MYO16: variants seen among roughly 807,000 people sequenced by gnomAD.
The protein encoded by MYO16 is myosin XVI, also known as unconventional myosin-XVI.
Under a neutral mutation model 205.3 loss-of-function variants are expected in MYO16, and 94 were observed. That is an observed-to-expected ratio of 0.46 (90% CI 0.39 to 0.54). The LOEUF is 0.54. Among genes scored for constraint, MYO16 ranks in the 20% least tolerant of loss-of-function variants. MYO16 has a pLI of 0.00. For missense variants in MYO16, 2,315 were observed against 2,387.5 expected, an observed-to-expected ratio of 0.97 and a Z score of 0.63; for synonymous variants, 988 against 954.0, an observed-to-expected ratio of 1.04 and a Z score of -0.66.
At chr13:108,989,367 A>G (rs1193774716) in intron 20 of MYO16, among the ~76,000 whole-genome samples, 1 of 152,228 alleles carries the variant, frequency 6.6e-6, no homozygotes, top group African/African-American at 2.4e-5. Context: ...ATGTTTCAAT[A>G]TAGAAACCTT....
intron 2 of MYO16, among the ~76,000 whole-genome samples, chr13:108,673,132 C>A (rs1336912677): frequency 1.2e-4 from 18 of 151,836 alleles, no homozygotes; most frequent in Admixed American, 1.2e-3. Flanking sequence ...AGTTGAGAGA[C>A]CATGTTTTTA....
At chr13:108,863,963 A>G (rs1477307500) in intron 11 of MYO16, among the ~76,000 whole-genome samples, 1 of 152,160 alleles carries the variant, frequency 6.6e-6, no homozygotes, top group Non-Finnish European at 1.5e-5. Flanking sequence ...TAGTGGCTAC[A>G]CTATGGTTCA....
At chr13:108,542,098 T>G in the MYO16 span, among the ~76,000 whole-genome samples, 3 of 152,128 alleles carry the variant, frequency 2.0e-5, no homozygotes, top group Non-Finnish European at 4.4e-5. Context: ...AAAGAAAATG[T>G]GGTACATATA....
At position 108,677,454 on chromosome 13, in the gene MYO16, G is replaced by GTACA. The variant is rs1313895380; in HGVS notation, c.292+11308_292+11311dup. Among the ~76,000 whole-genome samples, 4 of 149,386 alleles carry GTACA rather than the reference G, an allele frequency of 2.7e-5. No individual in the cohort carries two copies. The East Asian group carries it at 5.9e-4, about 22-fold the overall frequency. On this transcript the variant is annotated intron_variant, in intron 2 of 34. Coordinates refer to ENST00000457511, the MANE Select transcript of MYO16 (RefSeq NM_001198950.3). ...TGTATATATAGGTACAGATACACAT[G>GTACA]TACATATATGTACCTATGTATATAT...
intron 7 of MYO16, among the ~76,000 whole-genome samples, chr13:108,815,661 T>G (rs374828821): frequency 6.6e-6 from 1 of 152,188 alleles, no homozygotes; most frequent in African/African-American, 2.4e-5. Flanking sequence ...GGCAATACAT[T>G]TTTATTGTTT....
chr13:108,504,368 C>A, the MYO16 span, among the ~76,000 whole-genome samples: 1 of 152,018 alleles, frequency 6.6e-6, no homozygotes, highest in Admixed American at 6.6e-5. Context: ...CTCAGGTGAT[C>A]CACCCACCTC....
chr13:108,696,922 T>G (rs1457854281), intron 2 of MYO16, among the ~76,000 whole-genome samples: 1 of 151,724 alleles, frequency 6.6e-6, no homozygotes, highest in Non-Finnish European at 1.5e-5. Context: ...ATAAATCTGA[T>G]TTCTGGCCAT....
At chr13:109,000,685 T>C (rs1885183498) in intron 21 of MYO16, among the ~76,000 whole-genome samples, 1 of 152,204 alleles carries the variant, frequency 6.6e-6, no homozygotes. Context: ...AAGAGCATTT[T>C]AACCAGAGGT....
chr13:109,099,649 A>C (rs1417056745), intron 27 of MYO16, among the ~76,000 whole-genome samples: 2 of 152,122 alleles, frequency 1.3e-5, no homozygotes, highest in Non-Finnish European at 2.9e-5. Flanking sequence ...TTCCCAGCCT[A>C]TGTTACACAC....
At chr13:108,508,055 T>C in the MYO16 span, among the ~76,000 whole-genome samples, 2 of 152,056 alleles carry the variant, frequency 1.3e-5, no homozygotes, top group South Asian at 4.1e-4. Flanking sequence ...CTGGATTTTT[T>C]TCTTATTTGT....
intron 2 of MYO16, among the ~76,000 whole-genome samples, chr13:108,667,511 C>A (rs1307890289): frequency 1.3e-5 from 2 of 152,094 alleles, no homozygotes; most frequent in East Asian, 3.9e-4. Flanking sequence ...CTCTTCTCAC[C>A]TATGGCTGTT....
At chr13:109,101,283 A>T (rs1028437115) in intron 28 of MYO16, 1 of 156,102 alleles carries the variant, frequency 6.4e-6, no homozygotes, top group East Asian at 1.8e-4. Flanking sequence ...TGCATGTTCA[A>T]CCTGGACTTC....
intron 16 of MYO16, among the ~76,000 whole-genome samples, chr13:108,915,125 G>A (rs1229263023): frequency 1.3e-5 from 2 of 152,156 alleles, no homozygotes; most frequent in African/African-American, 2.4e-5. Flanking sequence ...CAGATAGGAC[G>A]TGTGCCTAAC....
At chr13:108,810,567 G>T (rs1399040142) in intron 7 of MYO16, among the ~76,000 whole-genome samples, 1 of 152,040 alleles carries the variant, frequency 6.6e-6, no homozygotes. Flanking sequence ...CTAAAAAATT[G>T]TTCTCTCAAA....
chr13:109,079,467 A>G (rs879828971), intron 27 of MYO16, among the ~76,000 whole-genome samples: 1 of 152,160 alleles, frequency 6.6e-6, no homozygotes, highest in Admixed American at 6.5e-5. Context: ...CTTTGTGGCA[A>G]CGTGGATGCA....
intron 32 of MYO16, among the ~76,000 whole-genome samples, chr13:109,153,997 G>T (rs1176051707): frequency 6.6e-6 from 1 of 152,180 alleles, no homozygotes; most frequent in African/African-American, 2.4e-5. Context: ...ATTGGGTCAC[G>T]TGAGCACGTA....
chr13:108,656,312 C>G (rs1881242217), intron 1 of MYO16, among the ~76,000 whole-genome samples: 1 of 152,250 alleles, frequency 6.6e-6, no homozygotes, highest in South Asian at 2.1e-4. Context: ...TCCTCATTTT[C>G]TCTCGCCACT....
the MYO16 span, among the ~76,000 whole-genome samples, chr13:108,523,725 C>T: frequency 2.6e-5 from 4 of 152,206 alleles, no homozygotes; most frequent in African/African-American, 9.6e-5. Context: ...CCTACAACAT[C>T]CCAGCCAAGT....
At chr13:108,931,142 T>C (rs150600576) in intron 16 of MYO16, among the ~76,000 whole-genome samples, 4 of 152,324 alleles carry the variant, frequency 2.6e-5, no homozygotes, top group Admixed American at 6.5e-5. Context: ...TCACCTGTTT[T>C]ATATGTTAGA....
Sources: gnomAD v4.1 joint callset for allele counts (sites outside exome capture counted in the v4.1 genomes callset) on GRCh38, gnomAD v4.1.1 for gene constraint, MANE v1.5 for transcripts, NCBI Gene and HGNC (gene_info 2026-07-23, HGNC 2026-07-21) for gene names.